The following KLHL31 variants were observed in gnomAD, a reference collection of about 807,000 sequenced individuals.
KLHL31 encodes kelch-like protein 31.
In KLHL31, 32 loss-of-function variants were observed where a neutral mutation model predicts 47.1. That is an observed-to-expected ratio of 0.68 (90% confidence interval 0.51 to 0.91). The LOEUF is 0.91. Ranked by LOEUF, KLHL31 falls within the 40% of genes least tolerant of loss-of-function variation. KLHL31 has a pLI of 0.00. For synonymous variants in KLHL31, 330 were observed against 325.1 expected (o/e 1.01, Z -0.16); for missense variants, 797 against 819.3 (o/e 0.97, Z 0.33).
chr6:53,658,649 A>G (rs1326551), intron 1 of KLHL31, among the ~76,000 whole-genome samples: 150,605 of 152,186 alleles, frequency 0.99, 74,549 homozygotes, highest in Middle Eastern at 1. Flanking sequence ...TGTTTGATAT[A>G]CATATAATAT....
intron 1 of KLHL31, among the ~76,000 whole-genome samples, chr6:53,660,545 G>A (rs1469074402): frequency 1.3e-5 from 2 of 152,236 alleles, no homozygotes; most frequent in African/African-American, 4.8e-5. Context: ...TGGGTGCCAT[G>A]GCTCACTCCT....
chr6:53,653,940 A>G (rs1275265474), intron 2 of KLHL31, among the ~76,000 whole-genome samples, 161 bp downstream of exon 2: 2 of 152,234 alleles, frequency 1.3e-5, no homozygotes, highest in East Asian at 1.9e-4. Flanking sequence ...AATGTACTTT[A>G]TATAATATAA....
chr6:53,658,595 G>T (rs1431282917), intron 1 of KLHL31, among the ~76,000 whole-genome samples: 1 of 152,006 alleles, frequency 6.6e-6, no homozygotes, highest in African/African-American at 2.4e-5. Context: ...GGGTGGGAGG[G>T]ACTCAGAGAA....
At chr6:53,665,272 G>A (rs1314693769) in intron 1 of KLHL31, among the ~76,000 whole-genome samples, 1 of 152,114 alleles carries the variant, frequency 6.6e-6, no homozygotes, top group Non-Finnish European at 1.5e-5. Flanking sequence ...TCTCTATAAA[G>A]TAGTGAAAGA....
At position 53,648,668 on chromosome 6, in the gene KLHL31, A is replaced by G. The variant is rs1764426546; in HGVS notation, c.*2930T>C. On this transcript the variant is annotated 3_prime_UTR_variant, in exon 3 of 3. Coordinates refer to ENST00000370905, the MANE Select transcript of KLHL31 (RefSeq NM_001003760.5). Reference sequence around the variant, plus strand: ...ATGTTTTAAAATTATACGAATCTGTACCATCACTGACCTTCTATTCAAAAC... The same window carrying G: ...ATGTTTTAAAATTATACGAATCTGTGCCATCACTGACCTTCTATTCAAAAC... 1 of 152,182 alleles carries G rather than the reference A, an allele frequency of 6.6e-6. No individual in the cohort carries two copies. The highest frequency in any genetic ancestry group is 1.5e-5 in the Non-Finnish European group (1 of 68,016). The allele number at this position is 152,182 out of a possible 1,614,324, so 9.4% of individuals were successfully genotyped here.
intron 1 of KLHL31, 31 bp from the exon 2 acceptor site, chr6:53,655,336 G>A: frequency 1.1e-5 from 13 of 1,148,924 alleles, no homozygotes; most frequent in Non-Finnish European, 1.6e-5. Flanking sequence ...ACATGGTTTT[G>A]TTTTAATTGT....
chr6:53,662,159 C>T (rs752646621), intron 1 of KLHL31, among the ~76,000 whole-genome samples: 1 of 152,132 alleles, frequency 6.6e-6, no homozygotes, highest in Non-Finnish European at 1.5e-5. Flanking sequence ...GCCAGGCATG[C>T]ATCTTTGTTA....
At position 53,654,060 on chromosome 6, in the gene KLHL31, T is replaced by C. The variant is rs561668883; in HGVS notation, c.1172+41A>G. ...CTTCTATGTTAGGGCTATTTCCCTA[T>C]AATATTGAGCCATTTCAGTTCCTAA... On this transcript the variant is annotated intron_variant, in intron 2 of 2. Coordinates refer to ENST00000370905, the MANE Select transcript of KLHL31 (RefSeq NM_001003760.5). 207 of 1,495,492 alleles carry C rather than the reference T, an allele frequency of 1.4e-4. 2 individuals are homozygous for C. The South Asian group carries it at 2.5e-3, about 18-fold the overall frequency. 92.6% of individuals were successfully genotyped at this position (1,495,492 alleles called of 1,614,324 possible).
intron 1 of KLHL31, among the ~76,000 whole-genome samples, chr6:53,664,634 A>G (rs1764693301): frequency 6.6e-6 from 1 of 152,200 alleles, no homozygotes; most frequent in Non-Finnish European, 1.5e-5. Flanking sequence ...GTTACTTCAT[A>G]TTTGAGAACA....
chr6:53,653,565 T>A (rs958846230), intron 2 of KLHL31, among the ~76,000 whole-genome samples: 5 of 152,236 alleles, frequency 3.3e-5, no homozygotes, highest in African/African-American at 1.2e-4. Flanking sequence ...TACTGACACA[T>A]TTTCTGTTAT....
chr6:53,655,033 T>A lies in KLHL31; in HGVS notation c.240A>T (p.Lys80Asn). ...ACTTATGAACATCAAAGGATTTGGT[T>A]TTGGTACCAATGACTAAGTCACATA... ...NFLCDLVIGT[K>N]TKSFDVHKSV... Residue 80 changes from lysine (K) to asparagine (N), a missense_variant, in exon 2 of 3, where the codon AAA (lysine) becomes AAT (asparagine). By Grantham distance (94) the Lys-to-Asn change is moderately conservative. Coordinates refer to ENST00000370905, the MANE Select transcript of KLHL31 (RefSeq NM_001003760.5). 6.2e-7 allele frequency: 1 copy of A among 1,614,150 alleles called. No homozygotes were observed. Among genetic ancestry groups the A allele is most frequent in the South Asian group, 1.1e-5 (1 of 91,074 alleles).
chr6:53,651,718 C>A lies in KLHL31; in HGVS notation c.1785G>T (p.Thr595=), dbSNP rs142726111. The A allele has an allele frequency of 6.0e-3, 9,687 of 1,614,206 alleles. 46 individuals carry two copies. Among genetic ancestry groups the A allele is most frequent in the Non-Finnish European group, 7.0e-3 (8,281 of 1,180,036 alleles). ...QCFSPELNEW[T]EDDELPEATV... ...TGGCCTCGGGTAGCTCGTCGTCCTC[C>A]GTCCACTCGTTGAGCTCGGGGCTGA... The change falls in exon 3 of 3, where the codon ACG becomes ACT. Residue 595 remains threonine, a synonymous_variant. Coordinates refer to ENST00000370905, the MANE Select transcript of KLHL31 (RefSeq NM_001003760.5).
chr6:53,661,514 G>A (rs1561987072), intron 1 of KLHL31, among the ~76,000 whole-genome samples: 1 of 152,022 alleles, frequency 6.6e-6, no homozygotes, highest in Non-Finnish European at 1.5e-5. Context: ...GTCATAAAAG[G>A]CCAGCAAAGT....
chr6:53,657,796 G>A (rs1224625388), intron 1 of KLHL31, among the ~76,000 whole-genome samples: 1 of 152,100 alleles, frequency 6.6e-6, no homozygotes. Context: ...TCCTATCCAT[G>A]CAGAAGAAGA....
In KLHL31 at chr6:53,654,537, T is replaced by G. The variant is rs752306031; in HGVS notation, c.736A>C (p.Lys246Gln). ...IAMKWLEFDQ[K>Q]RVKYAADLLS... ...AGATCTGCAGCGTATTTTACTCTCT[T>G]TTGGTCAAATTCTAACCATTTCATT... The change falls in exon 2 of 3, where the codon AAG (lysine) becomes CAG (glutamine). Residue 246 changes from lysine to glutamine, a missense_variant. Lys to Gln is a moderately conservative substitution (Grantham distance 53). Transcript: ENST00000370905. The G allele has an allele frequency of 6.2e-7, 1 of 1,614,060 alleles. No individual in the cohort carries two copies. Among genetic ancestry groups the G allele is most frequent in the Admixed American group, 1.7e-5 (1 of 60,012 alleles).
In KLHL31 at chr6:53,654,136, T is replaced by A; in HGVS notation, c.1137A>T (p.Arg379Ser). 1 of 1,611,272 alleles carries A rather than the reference T, an allele frequency of 6.2e-7. No individual in the cohort carries two copies. Among genetic ancestry groups the A allele is most frequent in the Non-Finnish European group, 8.5e-7 (1 of 1,178,586 alleles). ...TGCTGACTGCATGCTTGGCTTGATT[T>A]CTTGCATCATTCTGGTCTTCACCAC... ...VAGGEDQNDA[R>S]NQAKHAVSNF... The change falls in exon 2 of 3, where the codon AGA (arginine) becomes AGT (serine). Residue 379 changes from arginine (R) to serine (S), a missense_variant. Transcript: ENST00000370905.
intron 1 of KLHL31, 21 bp from the exon 2 acceptor site, chr6:53,655,326 A>G (rs2038940): frequency 0.8 from 973,844 of 1,213,592 alleles, 388,702 homozygotes; most frequent in East Asian, 0.91. Flanking sequence ...AAAAAAAAAA[A>G]CATGGTTTTG....
chr6:53,657,078 G>A (rs1330848613), intron 1 of KLHL31, among the ~76,000 whole-genome samples: 2 of 151,858 alleles, frequency 1.3e-5, no homozygotes, highest in African/African-American at 4.8e-5. Flanking sequence ...GGCTACAGGT[G>A]CATGACACTA....
chr6:53,651,901 G>T lies in KLHL31; in HGVS notation c.1602C>A (p.Thr534=). The T allele has an allele frequency of 6.3e-7, 1 of 1,592,330 alleles. No individual in the cohort carries two copies. Among genetic ancestry groups the T allele is most frequent in the Non-Finnish European group, 8.5e-7 (1 of 1,175,426 alleles). ...CGGTCGCGGGGCTGTAGCACTCCAC[G>T]GTGAGCACGTCCACGCGCTCCCCGC... The part of the protein sequence containing the change: ...GPRGERVDVL[T]VECYSPATGQ... Residue 534 remains threonine (T), a synonymous_variant, in exon 3 of 3, where the codon ACC becomes ACA. Coordinates refer to ENST00000370905, the MANE Select transcript of KLHL31 (RefSeq NM_001003760.5).
Sources: gnomAD v4.1 joint callset for allele counts (sites outside exome capture counted in the v4.1 genomes callset) on GRCh38, gnomAD v4.1.1 for gene constraint, MANE v1.5 for transcripts, NCBI Gene and HGNC (gene_info 2026-07-23, HGNC 2026-07-21) for gene names.